Variants in CD46 observed in about 807,000 individuals in gnomAD.
CD46 encodes the protein CD46 molecule, also known as membrane cofactor protein.
A neutral mutation model predicts 53.3 loss-of-function variants in CD46; 30 were observed. The observed-to-expected ratio is 0.56, with a 90% CI of 0.42 to 0.76. The LOEUF (loss-of-function observed/expected upper bound fraction) is 0.76, where lower values mean the gene tolerates loss of function less well. Among genes scored for constraint, CD46 ranks in the 30% least tolerant of loss-of-function variants. CD46 has a pLI of 0.00. For synonymous variants in CD46, 142 were observed against 152.0 expected (o/e 0.93, Z 0.48); for missense variants, 409 against 463.0 (o/e 0.88, Z 1.07).
intron 5 of CD46, chr1:207,762,800 C>G (rs1159588746): frequency 6.6e-6 from 1 of 152,444 alleles, no homozygotes. Flanking sequence ...TGGCGTTGTT[C>G]CACTGCCTGG....
chr1:207,775,212 C>T (rs1457031223), intron 8 of CD46, among the ~76,000 whole-genome samples: 3 of 152,140 alleles, frequency 2.0e-5, no homozygotes, highest in South Asian at 4.2e-4. Flanking sequence ...GTTCTTGTGC[C>T]GTGGTTTTCA....
At chr1:207,770,163 A>G (rs1481836376) in intron 7 of CD46, 158 bp from the exon 8 acceptor site, 2 of 639,770 alleles carry the variant, frequency 3.1e-6, no homozygotes, top group Non-Finnish European at 5.7e-6. Context: ...ACTTGTGCAA[A>G]TATATATGTA....
chr1:207,775,771 G>A (rs977973250), intron 8 of CD46, among the ~76,000 whole-genome samples: 6 of 152,188 alleles, frequency 3.9e-5, no homozygotes, highest in African/African-American at 1.4e-4. Context: ...CCTGTTTGAG[G>A]TGTTTGTCGG....
At chr1:207,767,579 G>A (rs746637701) in intron 6 of CD46, 200 bp from the exon 7 acceptor site, 1 of 1,582,246 alleles carries the variant, frequency 6.3e-7, no homozygotes, top group African/African-American at 1.3e-5. Flanking sequence ...CCAAGTGGTT[G>A]ATCTTCTAAC....
chr1:207,759,854 G>A, intron 4 of CD46, 130 bp downstream of exon 4: 2 of 617,530 alleles, frequency 3.2e-6, no homozygotes. Flanking sequence ...ATATCTATTG[G>A]TATTTATCAT....
intron 8 of CD46, among the ~76,000 whole-genome samples, chr1:207,776,461 C>T (rs1293140299): frequency 6.6e-6 from 1 of 152,218 alleles, no homozygotes; most frequent in Non-Finnish European, 1.5e-5. Flanking sequence ...AGCTGCACAC[C>T]AGAGCTGTTC....
At chr1:207,787,489 G>A (rs942107323) in intron 11 of CD46, among the ~76,000 whole-genome samples, 3 of 151,964 alleles carry the variant, frequency 2.0e-5, no homozygotes, top group Admixed American at 2.0e-4. Context: ...TTTTTTTAAA[G>A]CCCATATTTT....
At chr1:207,781,894 G>A (rs1332622946) in intron 8 of CD46, among the ~76,000 whole-genome samples, 1 of 151,226 alleles carries the variant, frequency 6.6e-6, no homozygotes, top group African/African-American at 2.4e-5. Flanking sequence ...GCTATTTGTG[G>A]TCCCTTGAGA....
intron 6 of CD46, 127 bp from the exon 7 acceptor site, chr1:207,767,652 G>A (rs554079785): frequency 5.6e-6 from 9 of 1,612,116 alleles, no homozygotes; most frequent in Non-Finnish European, 7.6e-6. Context: ...AGTCATTCAG[G>A]TTTAGTAGCT....
rs1654986692 is a variant in CD46, at chr1:207,752,228, C to T, written c.16C>T (p.Arg6Cys). MEPPG[R>C]RECPFPSWRF... The stretch of plus-strand genomic sequence containing the variant: ...CGCGCCGCGCATGGAGCCTCCCGGC[C>T]GCCGCGAGTGTCCCTTTCCTTCCTG... Residue 6 changes from arginine to cysteine, a missense_variant, in exon 1 of 13, where the codon CGC becomes TGC. By Grantham distance (180) the Arg-to-Cys change is radical. Transcript: ENST00000367042. The surrounding 1 kb of genome is among the most constrained non-coding windows in gnomAD (Gnocchi z 4.1). 6.2e-7 allele frequency: 1 copy of T among 1,614,016 alleles called. No homozygotes were observed.
At chr1:207,785,570 G>T in intron 10 of CD46, 49 bp from the exon 11 acceptor site, 1 of 1,260,490 alleles carries the variant, frequency 7.9e-7, no homozygotes, top group Non-Finnish European at 1.2e-6. Flanking sequence ...TTGAATCTTG[G>T]TGATTAGTTT....
chr1:207,767,549 T>C, intron 6 of CD46: 3 of 1,318,554 alleles, frequency 2.3e-6, no homozygotes, highest in Non-Finnish European at 3.3e-6. Context: ...TTCATATAAA[T>C]GAAATGAGAG....
intron 8 of CD46, 39 bp from the exon 9 acceptor site, chr1:207,783,253 C>A: frequency 9.0e-7 from 1 of 1,109,278 alleles, no homozygotes; most frequent in Non-Finnish European, 1.4e-6. Context: ...TTCTTTCCTT[C>A]TTTTATTAAT....
intron 5 of CD46, among the ~76,000 whole-genome samples, chr1:207,764,994 T>C (rs980157384): frequency 6.6e-6 from 1 of 152,210 alleles, no homozygotes; most frequent in East Asian, 1.9e-4. Flanking sequence ...AAAAACATTA[T>C]AAGAAAATTA....
intron 8 of CD46, among the ~76,000 whole-genome samples, chr1:207,774,554 A>C (rs1657887023): frequency 6.6e-6 from 1 of 152,170 alleles, no homozygotes; most frequent in Non-Finnish European, 1.5e-5. Context: ...TGCTTCCTTC[A>C]GGAGCTCTTG....
chr1:207,771,245 G>C (rs1175528207), intron 8 of CD46, among the ~76,000 whole-genome samples: 1 of 150,660 alleles, frequency 6.6e-6, no homozygotes, highest in East Asian at 2.0e-4. Context: ...TTTGATGGTG[G>C]TGTTTTTTTC....
intron 5 of CD46, among the ~76,000 whole-genome samples, chr1:207,766,362 CAG>C (rs1005951265): frequency 4.6e-5 from 7 of 152,046 alleles, no homozygotes; most frequent in Non-Finnish European, 8.8e-5. Context: ...AACAAAAGGT[CAG>C]TGAACCTGAA....
At chr1:207,753,187 G>C (rs1231600087) in intron 1 of CD46, among the ~76,000 whole-genome samples, 1 of 151,948 alleles carries the variant, frequency 6.6e-6, no homozygotes, top group Non-Finnish European at 1.5e-5. Flanking sequence ...TCATTACTTT[G>C]AGTCATATTT....
chr1:207,759,546 T>C, intron 3 of CD46, 93 bp from the exon 4 acceptor site: 1 of 718,494 alleles, frequency 1.4e-6, no homozygotes, highest in African/African-American at 1.8e-5. Flanking sequence ...ACTACTGTAG[T>C]GTAGAAAAGA....
Sources: allele counts gnomAD v4.1 joint callset (sites outside exome capture counted in the v4.1 genomes callset), GRCh38; gene constraint gnomAD v4.1.1; non-coding constraint Gnocchi (gnomAD v3.1); transcripts MANE v1.5; gene names NCBI Gene and HGNC (gene_info 2026-07-23, HGNC 2026-07-21).